The following ADGRD1 variants were observed in gnomAD, a reference collection of about 807,000 sequenced individuals.
ADGRD1 encodes the protein adhesion G protein-coupled receptor D1.
ADGRD1 carries 77 observed loss-of-function variants against 113.4 expected under a neutral mutation model. The observed-to-expected ratio is 0.68, with a 90% CI of 0.57 to 0.82. The LOEUF (loss-of-function observed/expected upper bound fraction) is 0.82. Among genes scored for constraint, ADGRD1 ranks in the 40% least tolerant of loss-of-function variants. The probability of loss-of-function intolerance (pLI) is 0.00; values close to 1 mark genes in which losing one functional copy is unlikely to be tolerated. For missense variants in ADGRD1, 1,036 were observed against 1,139.1 expected (o/e 0.91, Z 1.30); for synonymous variants, 474 against 475.0 (o/e 1.00, Z 0.03).
intron 19 of ADGRD1, among the ~76,000 whole-genome samples, chr12:131,119,318 T>G (rs934575810): frequency 2.0e-5 from 3 of 152,236 alleles, no homozygotes; most frequent in Non-Finnish European, 2.9e-5. Context: ...GCGAAGCATT[T>G]GTAGAAGGCA....
At chr12:131,086,150 G>T (rs1442363258) in intron 15 of ADGRD1, among the ~76,000 whole-genome samples, 1 of 152,184 alleles carries the variant, frequency 6.6e-6, no homozygotes, top group Non-Finnish European at 1.5e-5. Flanking sequence ...GAATCTACCT[G>T]AATCCACCAG....
chr12:131,065,905 G>A (rs999957034), intron 13 of ADGRD1, among the ~76,000 whole-genome samples: 1 of 152,170 alleles, frequency 6.6e-6, no homozygotes, highest in Non-Finnish European at 1.5e-5. Context: ...GGGGGTGGAG[G>A]AAGAGACCTG....
chr12:131,054,777 C>T (rs1369853386), intron 13 of ADGRD1, among the ~76,000 whole-genome samples: 1 of 152,216 alleles, frequency 6.6e-6, no homozygotes, highest in African/African-American at 2.4e-5. Context: ...GTTCCCCTCG[C>T]TGCTGCAGCG....
At chr12:130,989,604 T>C (rs1874117263) in intron 6 of ADGRD1, 1 of 152,232 alleles carries the variant, frequency 6.6e-6, no homozygotes, top group Admixed American at 6.5e-5. Context: ...GGTGGGGACA[T>C]GGCCACACAA....
At chr12:130,998,673 C>A (rs1875932838) in intron 8 of ADGRD1, among the ~76,000 whole-genome samples, 1 of 152,136 alleles carries the variant, frequency 6.6e-6, no homozygotes. Context: ...CTATGTTTCC[C>A]AGGCTGGTCT....
chr12:130,997,194 C>CCT (rs1299426904), intron 8 of ADGRD1, among the ~76,000 whole-genome samples: 1 of 141,464 alleles, frequency 7.1e-6, no homozygotes, highest in African/African-American at 2.6e-5. Context: ...GCTGACCCCC[C>CCT]CCCCCGGACG....
chr12:131,017,861 C>T (rs926998687), intron 13 of ADGRD1, among the ~76,000 whole-genome samples: 1 of 150,726 alleles, frequency 6.6e-6, no homozygotes, highest in Non-Finnish European at 1.5e-5. Flanking sequence ...CCAGCACAGG[C>T]ACACACACTT....
rs1197874941 is a variant in ADGRD1, at chr12:130,966,395, G to C, written c.104-68G>C. 2 of 941,962 alleles carry C rather than the reference G, an allele frequency of 2.1e-6. No homozygotes were observed. Among genetic ancestry groups the C allele is most frequent in the Non-Finnish European group, 3.5e-6 (2 of 570,290 alleles). 58.4% of individuals were successfully genotyped at this position (941,962 alleles called of 1,614,324 possible). The stretch of plus-strand genomic sequence containing the variant: ...TCTTCCCCCATAATGTGTGTGCTAA[G>C]CGGTTCTTACCCTCTGGTTCTTTCC... On this transcript the variant is annotated intron_variant, in intron 2 of 24. Transcript: ENST00000261654. This position sits in a 1 kb window ranked among gnomAD's most constrained non-coding sequence, Gnocchi z 4.6.
intron 13 of ADGRD1, chr12:131,070,973 G>A: frequency 7.7e-6 from 4 of 517,762 alleles, no homozygotes; most frequent in South Asian, 2.8e-5. Context: ...CACCATCAGG[G>A]GAATGTAAGA....
At chr12:131,137,926 A>C (rs1951136411) in intron 23 of ADGRD1, 1 of 546,530 alleles carries the variant, frequency 1.8e-6, no homozygotes, top group East Asian at 3.2e-5. Flanking sequence ...GCCACTCCAC[A>C]CCCAGCTTCC....
intron 2 of ADGRD1, among the ~76,000 whole-genome samples, chr12:130,963,594 A>C (rs986304404): frequency 4.6e-5 from 7 of 152,192 alleles, no homozygotes; most frequent in African/African-American, 1.7e-4. Flanking sequence ...CAATGAAAGA[A>C]TATGCCATCT....
chr12:130,971,416 G>C lies in ADGRD1; in HGVS notation c.188-42G>C, dbSNP rs551618290. 2 of 1,575,098 alleles carry C rather than the reference G, an allele frequency of 1.3e-6. No homozygotes were observed. The highest frequency in any genetic ancestry group is 2.3e-5 in the South Asian group (2 of 87,094). On this transcript the variant is annotated intron_variant, in intron 3 of 24. Transcript: ENST00000261654. This position sits in a 1 kb window ranked among gnomAD's most constrained non-coding sequence, Gnocchi z 4.2. ...CACACATCTTCAGACTTTTAATCTC[G>C]GAAGGTTATTAACATATGATGTTGT...
intron 13 of ADGRD1, among the ~76,000 whole-genome samples, chr12:131,029,034 G>T (rs1331184204): frequency 4.6e-5 from 7 of 152,220 alleles, no homozygotes; most frequent in Non-Finnish European, 1.0e-4. Flanking sequence ...AGTCACACCT[G>T]GTTGTCATTC....
At chr12:131,038,089 C>G (rs1454161798) in intron 13 of ADGRD1, among the ~76,000 whole-genome samples, 2 of 152,192 alleles carry the variant, frequency 1.3e-5, no homozygotes, top group Non-Finnish European at 2.9e-5. Flanking sequence ...TCTCACTGCA[C>G]TGGGTCTTAC....
chr12:131,084,763 T>C lies in ADGRD1; in HGVS notation c.1671+100T>C. 9 of 1,265,712 alleles carry C rather than the reference T, an allele frequency of 7.1e-6. No individual in the cohort carries two copies. The highest frequency in any genetic ancestry group is 1.9e-5 in the Admixed American group (1 of 51,366). 78.4% of individuals were successfully genotyped at this position (1,265,712 alleles called of 1,614,324 possible). A position where few individuals can be genotyped will look rare whatever the true frequency, so the allele number is the denominator to read the frequency against. On this transcript the variant is annotated intron_variant, in intron 15 of 24. Transcript: ENST00000261654. The surrounding 1 kb of genome is among the most constrained non-coding windows in gnomAD (Gnocchi z 4.5). Reference sequence around the variant, plus strand: ...TTTGCCCGCCAGTGCCCACGGGCCCTGGGCACATTACTCCATGGGGCCTGT... The same window carrying C: ...TTTGCCCGCCAGTGCCCACGGGCCCCGGGCACATTACTCCATGGGGCCTGT...
Sources: allele counts gnomAD v4.1 joint callset (sites outside exome capture counted in the v4.1 genomes callset), GRCh38; gene constraint gnomAD v4.1.1; non-coding constraint Gnocchi (gnomAD v3.1); transcripts MANE v1.5; gene names NCBI Gene and HGNC (gene_info 2026-07-23, HGNC 2026-07-21).